The following GSK3A variants were observed in gnomAD, a reference collection of about 807,000 sequenced individuals.
GSK3A encodes glycogen synthase kinase-3 alpha.
GSK3A carries 14 observed loss-of-function variants against 56.6 expected under a neutral mutation model. The ratio of observed to expected loss-of-function variants is 0.25; its 90% confidence interval spans 0.16 to 0.39. GSK3A has a LOEUF of 0.39. Among genes scored for constraint, GSK3A ranks in the 10% least tolerant of loss-of-function variants. GSK3A has a pLI of 1.00. For missense variants in GSK3A, 450 were observed against 656.0 expected (o/e 0.69, Z 3.43); for synonymous variants, 301 against 285.0 (o/e 1.06, Z -0.56).
At chr19:42,233,425 G>T (rs1476269273) in intron 6 of GSK3A, 42 bp from the exon 7 acceptor site, 1 of 1,269,778 alleles carries the variant, frequency 7.9e-7, no homozygotes, top group Non-Finnish European at 1.1e-6. Flanking sequence ...GGCGAGTAGG[G>T]CCACCAACCT....
In GSK3A at chr19:42,242,584, G is replaced by C. The variant is rs1436355123; in HGVS notation, c.-119C>G. On this transcript the variant is annotated 5_prime_UTR_variant, in exon 1 of 11. Coordinates refer to ENST00000222330, the MANE Select transcript of GSK3A (RefSeq NM_019884.3). ...TCCAGGCCGCGCCGCTCTGGCTTGGGCTCCGGCTCCGGCCCAGCGCCCGCC... is the reference window on the plus strand; with the variant it reads ...TCCAGGCCGCGCCGCTCTGGCTTGGCCTCCGGCTCCGGCCCAGCGCCCGCC... 1.2e-6 allele frequency: 1 copy of C among 840,684 alleles called. No homozygotes were observed. Among genetic ancestry groups the C allele is most frequent in the Non-Finnish European group, 1.6e-6 (1 of 641,310 alleles). 52.1% of individuals were successfully genotyped at this position (840,684 alleles called of 1,614,324 possible).
rs770210270 is a variant in GSK3A, at chr19:42,234,503, G to A, written c.798-44C>T. ...AGGGGTACACGTGAGGCAAGGGTTG[G>A]GGTCCCCCCTGCCTCTTCAGCCACC... On this transcript the variant is annotated intron_variant, in intron 5 of 10. Coordinates refer to ENST00000222330, the MANE Select transcript of GSK3A (RefSeq NM_019884.3). This position sits in a 1 kb window ranked among gnomAD's most constrained non-coding sequence, Gnocchi z 5.7. 4.3e-6 allele frequency: 7 copies of A among 1,612,752 alleles called. No homozygotes were observed. In the African/African-American group the frequency reaches 8.0e-5, roughly 18 times the overall value.
chr19:42,232,838 G>C (rs1469515207), intron 8 of GSK3A, 156 bp from the exon 9 acceptor site: 1 of 651,432 alleles, frequency 1.5e-6, no homozygotes, highest in Non-Finnish European at 2.6e-6. Flanking sequence ...CCACTAAGGA[G>C]AGGTCAGTTT....
chr19:42,239,544 A>T (rs1413596137), intron 2 of GSK3A, among the ~76,000 whole-genome samples: 1 of 152,128 alleles, frequency 6.6e-6, no homozygotes, highest in African/African-American at 2.4e-5. Flanking sequence ...TCTCCTGGGA[A>T]GAAGTGTAAC....
intron 3 of GSK3A, 52 bp downstream of exon 3, chr19:42,236,806 G>T: frequency 6.7e-7 from 1 of 1,503,012 alleles, no homozygotes; most frequent in Non-Finnish European, 9.3e-7. Context: ...GGAAAGGCAG[G>T]CAGGCAGGAA....
At chr19:42,237,083 G>A in intron 2 of GSK3A, 142 bp from the exon 3 acceptor site, 2 of 674,828 alleles carry the variant, frequency 3.0e-6, no homozygotes, top group Non-Finnish European at 5.4e-6. Context: ...CCAATTCCTT[G>A]TCTCCAGACT....
At chr19:42,236,481 C>T in intron 4 of GSK3A, 125 bp downstream of exon 4, 1 of 709,752 alleles carries the variant, frequency 1.4e-6, no homozygotes, top group Non-Finnish European at 2.6e-6. Flanking sequence ...GGAACAACAG[C>T]AGGGGACATG....
intron 2 of GSK3A, among the ~76,000 whole-genome samples, chr19:42,239,261 T>C (rs2036277099): frequency 6.6e-6 from 1 of 152,196 alleles, no homozygotes; most frequent in African/African-American, 2.4e-5. Context: ...CTGGAGCTCC[T>C]CCTGCCCAAG....
At chr19:42,236,293 C>T (rs1301626913) in intron 4 of GSK3A, among the ~76,000 whole-genome samples, 2 of 152,198 alleles carry the variant, frequency 1.3e-5, no homozygotes, top group Non-Finnish European at 2.9e-5. Flanking sequence ...GTCCCCACCA[C>T]CCCCTTATCC....
chr19:42,242,567 G>T lies in GSK3A; in HGVS notation c.-102C>A. On this transcript the variant is annotated 5_prime_UTR_variant, in exon 1 of 11. Coordinates refer to ENST00000222330, the MANE Select transcript of GSK3A (RefSeq NM_019884.3). ...CCCGGGCCCTGGCCTCTTCCAGGCC[G>T]CGCCGCTCTGGCTTGGGCTCCGGCT... The T allele has an allele frequency of 3.3e-6, 3 of 911,318 alleles. No individual in the cohort carries two copies. The highest frequency in any genetic ancestry group is 2.9e-5 in the South Asian group (1 of 34,782). 56.5% of individuals were successfully genotyped at this position (911,318 alleles called of 1,614,324 possible).
intron 4 of GSK3A, among the ~76,000 whole-genome samples, chr19:42,236,014 C>T (rs760168224): frequency 3.3e-5 from 5 of 152,328 alleles, no homozygotes; most frequent in Non-Finnish European, 5.9e-5. Context: ...CACCTCCTTC[C>T]AATGCAGTAG....
chr19:42,239,466 G>A (rs905508347), intron 2 of GSK3A, among the ~76,000 whole-genome samples: 17 of 152,106 alleles, frequency 1.1e-4, no homozygotes, highest in African/African-American at 4.1e-4. Context: ...TCCATTCTGC[G>A]CTGGCCAAAC....
Position 42,234,409 on chromosome 19 carries a change from C to A in GSK3A, c.848G>T (p.Arg283Leu), listed in dbSNP as rs1035974110. The change falls in exon 6 of 11, where the codon CGC (arginine) becomes CTC (leucine). Residue 283 changes from arginine to leucine, a missense_variant. This residue lies in a region of GSK3A where 144 missense variants were observed against 308.0 expected (regional missense o/e 0.47). Coordinates refer to ENST00000222330, the MANE Select transcript of GSK3A (RefSeq NM_019884.3). The surrounding 1 kb of genome is among the most constrained non-coding windows in gnomAD (Gnocchi z 5.7). ...GEPNVSYICS[R>L]YYRAPELIFG... ...GATGAGCTCTGGGGCCCGGTAGTAGCGAGAACAGATGTAGGAGACATTGGG... is the reference window on the plus strand; with the variant it reads ...GATGAGCTCTGGGGCCCGGTAGTAGAGAGAACAGATGTAGGAGACATTGGG... 6.2e-7 allele frequency: 1 copy of A among 1,614,028 alleles called. No individual in the cohort carries two copies. Among genetic ancestry groups the A allele is most frequent in the Non-Finnish European group, 8.5e-7 (1 of 1,180,026 alleles).
At chr19:42,230,975 CA>C in intron 10 of GSK3A, 108 bp from the exon 11 acceptor site, 4 of 778,606 alleles carry the variant, frequency 5.1e-6, no homozygotes, top group Non-Finnish European at 9.0e-6. Context: ...TTAAAAGTTA[CA>C]AGCTGTTACT....
Position 42,230,793 on chromosome 19 carries a change from C to T in GSK3A, c.*1G>A, listed in dbSNP as rs540414268. ...AAGTGGAAGGGTGCTTGGTGGGGCCCTCAGGAGGAGTTAGTGAGGGTAGGT... is the reference window on the plus strand; with the variant it reads ...AAGTGGAAGGGTGCTTGGTGGGGCCTTCAGGAGGAGTTAGTGAGGGTAGGT... On this transcript the variant is annotated 3_prime_UTR_variant, in exon 11 of 11. Transcript: ENST00000222330. 4 of 1,557,146 alleles carry T rather than the reference C, an allele frequency of 2.6e-6. No homozygotes were observed. In the East Asian group the frequency reaches 7.2e-5, roughly 28 times the overall value.
At chr19:42,238,730 T>C (rs1257075583) in intron 2 of GSK3A, among the ~76,000 whole-genome samples, 1 of 142,484 alleles carries the variant, frequency 7.0e-6, no homozygotes, top group African/African-American at 2.7e-5. Context: ...GAGGTCGAGG[T>C]GGGGGCGGAT....
intron 2 of GSK3A, among the ~76,000 whole-genome samples, chr19:42,237,873 A>G (rs1223636269): frequency 1.3e-5 from 2 of 151,450 alleles, no homozygotes; most frequent in Non-Finnish European, 2.9e-5. Context: ...ACTCTGTCTC[A>G]AAAAATAATA....
At chr19:42,240,314 C>G in intron 1 of GSK3A, 172 bp from the exon 2 acceptor site, 1 of 629,380 alleles carries the variant, frequency 1.6e-6, no homozygotes, top group South Asian at 1.8e-5. Flanking sequence ...TGACTTTTCC[C>G]CTCTTCCTTT....
chr19:42,233,365 C>T lies in GSK3A; in HGVS notation c.923G>A (p.Cys308Tyr). The change falls in exon 7 of 11, where the codon TGT becomes TAT. Residue 308 changes from cysteine (C) to tyrosine (Y), a missense_variant. Around this residue, in one of 3 missense-constraint regions of GSK3A, gnomAD observed 144 missense variants for 308.0 expected, o/e 0.47. Coordinates refer to ENST00000222330, the MANE Select transcript of GSK3A (RefSeq NM_019884.3). ...TSSIDVWSAG[C>Y]VLAELLLGQP... is the part of the protein sequence containing the mutation. ...GCCCAAGAGGAGCTCTGCCAGTACA[C>T]AGCCAGCTGACCAAACATCTGAGGG... 1 of 1,580,702 alleles carries T rather than the reference C, an allele frequency of 6.3e-7. No individual in the cohort carries two copies. Among genetic ancestry groups the T allele is most frequent in the Non-Finnish European group, 8.6e-7 (1 of 1,161,450 alleles).
Sources: gnomAD v4.1 joint callset for allele counts (sites outside exome capture counted in the v4.1 genomes callset) on GRCh38, gnomAD v4.1.1 for gene constraint, gnomAD v4.1.1 regional missense constraint, Gnocchi (gnomAD v3.1) non-coding constraint, MANE v1.5 for transcripts, NCBI Gene and HGNC (gene_info 2026-07-23, HGNC 2026-07-21) for gene names.